Variants in CACNG8 observed in about 807,000 individuals in gnomAD.
CACNG8 encodes voltage-dependent calcium channel gamma-8 subunit.
In CACNG8, 5 loss-of-function variants were observed where a neutral mutation model predicts 26.9. That is an observed-to-expected ratio of 0.19 (90% CI 0.10 to 0.39). The LOEUF is 0.39. CACNG8 is among the 10% of genes least tolerant of loss of function. The probability of loss-of-function intolerance (pLI) is 1.00; values close to 1 mark genes in which losing one functional copy is unlikely to be tolerated. For missense variants in CACNG8, 473 were observed against 609.4 expected (o/e 0.78, Z 2.36); for synonymous variants, 321 against 296.7 (o/e 1.08, Z -0.84).
At chr19:53,964,975 C>T (rs2069264270) in intron 1 of CACNG8, among the ~76,000 whole-genome samples, 1 of 152,152 alleles carries the variant, frequency 6.6e-6, no homozygotes, top group African/African-American at 2.4e-5. Flanking sequence ...CCTTCTTCCT[C>T]TGTTTTGCTG....
intron 1 of CACNG8, among the ~76,000 whole-genome samples, chr19:53,965,002 C>T (rs889409049): frequency 3.9e-5 from 6 of 152,112 alleles, no homozygotes; most frequent in Admixed American, 6.6e-5. Flanking sequence ...CACGACAAGC[C>T]GGGAACGTTA....
At chr19:53,971,363 G>A (rs2069301826) in intron 1 of CACNG8, among the ~76,000 whole-genome samples, 1 of 151,804 alleles carries the variant, frequency 6.6e-6, no homozygotes, top group East Asian at 1.9e-4. Context: ...CAGGTACCCA[G>A]CATAGCCAAG....
At chr19:53,975,451 C>T (rs767957943) in intron 1 of CACNG8, among the ~76,000 whole-genome samples, 29 of 152,128 alleles carry the variant, frequency 1.9e-4, no homozygotes, top group Non-Finnish European at 4.0e-4. Context: ...GCGATCTCAG[C>T]GCGCTGCAAC....
Position 53,982,658 on chromosome 19 carries a change from T to G in CACNG8, c.1087T>G (p.Ser363Ala). Residue 363 changes from serine to alanine, a missense_variant, in exon 4 of 4, where the codon TCC (serine) becomes GCC (alanine). Transcript: ENST00000270458. This position sits in a 1 kb window ranked among gnomAD's most constrained non-coding sequence, Gnocchi z 8.4. ...TGCCGAGCGGGACCGCGGGGGGGCG[T>G]CCGGCTTCCTCACGCTGCACAACGC... The G allele has an allele frequency of 9.4e-7, 1 of 1,067,304 alleles. No homozygotes were observed. Among genetic ancestry groups the G allele is most frequent in the Non-Finnish European group, 1.1e-6 (1 of 885,350 alleles). 66.1% of individuals were successfully genotyped at this position (1,067,304 alleles called of 1,614,324 possible).
intron 1 of CACNG8, among the ~76,000 whole-genome samples, chr19:53,968,723 C>T (rs1012367411): frequency 2.2e-5 from 3 of 133,824 alleles, no homozygotes; most frequent in East Asian, 2.5e-4. Flanking sequence ...GAGCTGAGAT[C>T]GTGCCACTGC....
intron 1 of CACNG8, among the ~76,000 whole-genome samples, chr19:53,977,389 G>A (rs1436208772): frequency 6.6e-6 from 1 of 152,176 alleles, no homozygotes; most frequent in African/African-American, 2.4e-5. Context: ...CCAGCTATGT[G>A]CTAGAGGTGG....
chr19:53,973,842 A>G (rs1316445322), intron 1 of CACNG8, among the ~76,000 whole-genome samples: 1 of 152,148 alleles, frequency 6.6e-6, no homozygotes, highest in Non-Finnish European at 1.5e-5. Flanking sequence ...AAAGAAAGAA[A>G]GGAGGGACAT....
chr19:53,988,671 T>C lies in CACNG8; in HGVS notation c.*5822T>C, dbSNP rs1600044479. 1.4e-5 allele frequency: 2 copies of C among 146,960 alleles called. No individual in the cohort carries two copies. The allele number at this position is 146,960 out of a possible 1,614,324, so 9.1% of individuals were successfully genotyped here. On this transcript the variant is annotated 3_prime_UTR_variant, in exon 4 of 4. Transcript: ENST00000270458. ...GTAGGGAGACATGCAGATAGGGAGA[T>C]GGGAGGCAGAAAATTGCATCCTGCA...
intron 1 of CACNG8, among the ~76,000 whole-genome samples, chr19:53,975,170 A>C (rs896939898): frequency 1.3e-5 from 2 of 151,296 alleles, no homozygotes; most frequent in African/African-American, 4.9e-5. Context: ...GATGGTCTCG[A>C]TTCTCTTGAC....
intron 1 of CACNG8, among the ~76,000 whole-genome samples, chr19:53,971,691 T>A (rs1568798034): frequency 6.6e-6 from 1 of 152,202 alleles, no homozygotes; most frequent in Non-Finnish European, 1.5e-5. Flanking sequence ...CTGCTTATTA[T>A]CTCATTAAGC....
intron 3 of CACNG8, among the ~76,000 whole-genome samples, chr19:53,980,776 T>C (rs558528667): frequency 3.5e-4 from 53 of 152,224 alleles, no homozygotes; most frequent in African/African-American, 1.2e-3. Flanking sequence ...ACTGGAACAC[T>C]TAAGAGGCAC....
rs35381014 is a variant in CACNG8 at position 53,985,937 on chromosome 19, C to CGAGAGAGAGAGAGAGA, written c.*3097_*3112dup. On this transcript the variant is annotated 3_prime_UTR_variant, in exon 4 of 4. Transcript: ENST00000270458. ...TCTAGAGTCTGAAGGCCAAACAGAA[C>CGAGAGAGAGAGAGAGA]GAGAGAGAGAGAGAGAGAGAGAGAA... is the stretch of plus-strand genomic sequence containing the variant. The CGAGAGAGAGAGAGAGA allele has an allele frequency of 1.1e-4, 16 of 146,652 alleles. No individual in the cohort carries two copies. The highest frequency in any genetic ancestry group is 2.3e-4 in the African/African-American group (9 of 39,246). The allele number at this position is 146,652 out of a possible 1,614,324, so 9.1% of individuals were successfully genotyped here.
rs574742890 is a variant in CACNG8, at chr19:53,989,267, A to C, written c.*6418A>C. ...GGGCCACAGAGCAAGACCCTGTCTC[A>C]GAAAACAGAAAGAAAGAAAGTCAAA... is the stretch of plus-strand genomic sequence containing the variant. On this transcript the variant is annotated 3_prime_UTR_variant, in exon 4 of 4. Coordinates refer to ENST00000270458, the MANE Select transcript of CACNG8 (RefSeq NM_031895.6). The C allele has an allele frequency of 1.3e-5, 2 of 152,520 alleles. No individual in the cohort carries two copies. Among genetic ancestry groups the C allele is most frequent in the Admixed American group, 1.3e-4 (2 of 15,308 alleles). 9.4% of individuals were successfully genotyped at this position (152,520 alleles called of 1,614,324 possible).
rs35381014 is a variant in CACNG8, at chr19:53,985,937, CGA to C, written c.*3111_*3112del. 46,449 of 146,388 alleles carry C rather than the reference CGA, an allele frequency of 0.32. 7,695 individuals carry two copies. The highest frequency in any genetic ancestry group is 0.51 in the Middle Eastern group (146 of 284). The allele number at this position is 146,388 out of a possible 1,614,324, so 9.1% of individuals were successfully genotyped here. A position where few individuals can be genotyped will look rare whatever the true frequency, so the allele number is the denominator to read the frequency against. On this transcript the variant is annotated 3_prime_UTR_variant, in exon 4 of 4. Transcript: ENST00000270458. ...TCTAGAGTCTGAAGGCCAAACAGAA[CGA>C]GAGAGAGAGAGAGAGAGAGAGAAAG...
rs1295785475 is a variant in CACNG8 at position 53,987,055 on chromosome 19, C to G, written c.*4206C>G. ...GTTTTGAGCACAGGCATGCCATGATCATATTTTTATTTTCTTATTTATATT... is the reference window on the plus strand; with the variant it reads ...GTTTTGAGCACAGGCATGCCATGATGATATTTTTATTTTCTTATTTATATT... On this transcript the variant is annotated 3_prime_UTR_variant, in exon 4 of 4. Transcript: ENST00000270458. 1 of 152,062 alleles carries G rather than the reference C, an allele frequency of 6.6e-6. No homozygotes were observed. Among genetic ancestry groups the G allele is most frequent in the Admixed American group, 6.6e-5 (1 of 15,252 alleles). 9.4% of individuals were successfully genotyped at this position (152,062 alleles called of 1,614,324 possible). A position where few individuals can be genotyped will look rare whatever the true frequency, so the allele number is the denominator to read the frequency against.
At chr19:53,971,535 G>A (rs2069302589) in intron 1 of CACNG8, among the ~76,000 whole-genome samples, 1 of 152,146 alleles carries the variant, frequency 6.6e-6, no homozygotes, top group African/African-American at 2.4e-5. Flanking sequence ...GGAGCTGGAG[G>A]CATCTGCATG....
At chr19:53,979,715 G>T in intron 2 of CACNG8, 152 bp from the exon 3 acceptor site, 1 of 658,216 alleles carries the variant, frequency 1.5e-6, no homozygotes, top group Non-Finnish European at 2.3e-6. Context: ...AGAGAATGAG[G>T]CAACAGTAAA....
rs1447467422 is a variant in CACNG8 at position 53,985,141 on chromosome 19, A to C, written c.*2292A>C. 6.6e-6 allele frequency: 1 copy of C among 152,232 alleles called. No individual in the cohort carries two copies. Among genetic ancestry groups the C allele is most frequent in the Non-Finnish European group, 1.5e-5 (1 of 68,096 alleles). The allele number at this position is 152,232 out of a possible 1,614,324, so 9.4% of individuals were successfully genotyped here. A position where few individuals can be genotyped will look rare whatever the true frequency, so the allele number is the denominator to read the frequency against. On this transcript the variant is annotated 3_prime_UTR_variant, in exon 4 of 4. Transcript: ENST00000270458. ...GCTTCCCTTCCATATTTGCTCAGCA[A>C]GTGTTTCCTGAGGCCTCCCCCGAAG...
At position 53,982,759 on chromosome 19, in the gene CACNG8, C is replaced by CGCGCCCTCT. The variant is rs759455825; in HGVS notation, c.1195_1203dup (p.Ser399_Pro401dup). The CGCGCCCTCT allele has an allele frequency of 6.4e-4, 796 of 1,244,790 alleles. 1 individual carries two copies. Among genetic ancestry groups the CGCGCCCTCT allele is most frequent in the Non-Finnish European group, 7.4e-4 (741 of 995,674 alleles). The allele number at this position is 1,244,790 out of a possible 1,614,324, so 77.1% of individuals were successfully genotyped here. ...CCGCCCCGCCCGCGCCCGCGCCACCCGCGCCCTCTGCGCCCGCCCCCGGGA... is the reference window on the plus strand; with the variant it reads ...CCGCCCCGCCCGCGCCCGCGCCACCCGCGCCCTCTGCGCCCTCTGCGCCCGCCCCCGGGA... On this transcript the variant is annotated inframe_insertion, in exon 4 of 4. Coordinates refer to ENST00000270458, the MANE Select transcript of CACNG8 (RefSeq NM_031895.6). The surrounding 1 kb of genome is among the most constrained non-coding windows in gnomAD (Gnocchi z 8.4).
Sources: gnomAD v4.1 joint callset for allele counts (sites outside exome capture counted in the v4.1 genomes callset) on GRCh38, gnomAD v4.1.1 for gene constraint, Gnocchi (gnomAD v3.1) non-coding constraint, MANE v1.5 for transcripts, NCBI Gene and HGNC (gene_info 2026-07-23, HGNC 2026-07-21) for gene names.